FILIP1: variants seen among roughly 807,000 people sequenced by gnomAD.
FILIP1 encodes filamin A interacting protein 1.
FILIP1 carries 61 observed loss-of-function variants against 102.1 expected under a neutral mutation model. That is an observed-to-expected ratio of 0.60 (90% CI 0.49 to 0.74). FILIP1 has a LOEUF of 0.74. FILIP1 is among the 30% of genes least tolerant of loss of function. The probability of loss-of-function intolerance (pLI) is 0.00; values close to 1 mark genes in which losing one functional copy is unlikely to be tolerated. For synonymous variants in FILIP1, 491 were observed against 526.9 expected (o/e 0.93, Z 0.93); for missense variants, 1,314 against 1,441.2 (o/e 0.91, Z 1.43).
chr6:75,473,441 T>C (rs996188247), intron 1 of FILIP1, among the ~76,000 whole-genome samples: 1 of 152,116 alleles, frequency 6.6e-6, no homozygotes. Context: ...GTTGTAGTTA[T>C]ACAGATGAAT....
At chr6:75,416,720 T>C (rs1777283633) in intron 1 of FILIP1, among the ~76,000 whole-genome samples, 1 of 152,150 alleles carries the variant, frequency 6.6e-6, no homozygotes, top group South Asian at 2.1e-4. Flanking sequence ...ACATGTGAAT[T>C]CTTTTTATCT....
chr6:75,327,389 T>A (rs530552041), intron 4 of FILIP1, among the ~76,000 whole-genome samples: 1 of 152,186 alleles, frequency 6.6e-6, no homozygotes, highest in East Asian at 1.9e-4. Context: ...CCACCCACAG[T>A]CTGTTCTCTT....
At chr6:75,439,224 C>T (rs746129336) in intron 1 of FILIP1, among the ~76,000 whole-genome samples, 2 of 151,998 alleles carry the variant, frequency 1.3e-5, no homozygotes, top group Admixed American at 6.6e-5. Context: ...AAATTAGCCA[C>T]GTGTGGTGGC....
intron 1 of FILIP1, among the ~76,000 whole-genome samples, chr6:75,435,909 G>A (rs1778003917): frequency 6.6e-6 from 1 of 152,144 alleles, no homozygotes; most frequent in Non-Finnish European, 1.5e-5. Flanking sequence ...TTACTCAGAA[G>A]AGTGAAGGAG....
At chr6:75,395,149 T>G (rs577735537) in intron 2 of FILIP1, among the ~76,000 whole-genome samples, 1 of 152,270 alleles carries the variant, frequency 6.6e-6, no homozygotes, top group East Asian at 1.9e-4. Flanking sequence ...AATATATATA[T>G]AATATGCTCT....
At chr6:75,390,004 A>G (rs542747871) in intron 2 of FILIP1, among the ~76,000 whole-genome samples, 5 of 152,232 alleles carry the variant, frequency 3.3e-5, no homozygotes, top group African/African-American at 9.6e-5. Context: ...CTTAAAACAA[A>G]CAAACAAACA....
At chr6:75,352,786 C>T (rs1223748139) in intron 4 of FILIP1, among the ~76,000 whole-genome samples, 1 of 151,802 alleles carries the variant, frequency 6.6e-6, no homozygotes, top group Non-Finnish European at 1.5e-5. Flanking sequence ...AACTAGATTA[C>T]TTCAAATAGA....
At chr6:75,431,772 C>A (rs1396443177) in intron 1 of FILIP1, among the ~76,000 whole-genome samples, 1 of 152,104 alleles carries the variant, frequency 6.6e-6, no homozygotes, top group Non-Finnish European at 1.5e-5. Flanking sequence ...CCTAAACACC[C>A]CTCTGTCCTT....
At chr6:75,430,102 T>A (rs1311324638) in intron 1 of FILIP1, among the ~76,000 whole-genome samples, 4 of 152,166 alleles carry the variant, frequency 2.6e-5, no homozygotes, top group Non-Finnish European at 5.9e-5. Flanking sequence ...CATGCTGTTC[T>A]CATGTTAGTG....
At chr6:75,373,613 A>T (rs772897433) in intron 2 of FILIP1, among the ~76,000 whole-genome samples, 3 of 151,158 alleles carry the variant, frequency 2.0e-5, no homozygotes, top group Non-Finnish European at 2.9e-5. Context: ...CCAACAATTT[A>T]AAAAAATTTA....
intron 6 of FILIP1, among the ~76,000 whole-genome samples, chr6:75,301,222 TCA>T (rs1490149134): frequency 1.3e-5 from 2 of 152,236 alleles, no homozygotes; most frequent in Non-Finnish European, 2.9e-5. Flanking sequence ...AAGAACTTTT[TCA>T]CAGTTTCTAT....
At chr6:75,328,231 T>G (rs1372406343) in intron 4 of FILIP1, among the ~76,000 whole-genome samples, 5 of 152,148 alleles carry the variant, frequency 3.3e-5, no homozygotes, top group African/African-American at 1.2e-4. Context: ...AATTATTAAG[T>G]TTTAGGTTAG....
chr6:75,320,617 TA>T (rs1392483972), intron 4 of FILIP1, among the ~76,000 whole-genome samples: 5 of 152,230 alleles, frequency 3.3e-5, no homozygotes, highest in African/African-American at 1.2e-4. Context: ...ATCTGGAAAT[TA>T]CCTAAATAGA....
intron 2 of FILIP1, chr6:75,399,154 A>G (rs1000184096): frequency 6.6e-6 from 1 of 152,172 alleles, no homozygotes; most frequent in African/African-American, 2.4e-5. Context: ...ATTGATTTCT[A>G]TTGTTCAGGT....
intron 1 of FILIP1, among the ~76,000 whole-genome samples, chr6:75,423,856 G>A (rs1777551313): frequency 6.6e-6 from 1 of 152,128 alleles, no homozygotes; most frequent in Non-Finnish European, 1.5e-5. Context: ...ATCGAATCCT[G>A]AAGCATGGAT....
intron 1 of FILIP1, among the ~76,000 whole-genome samples, chr6:75,417,202 T>G (rs1562570797): frequency 6.6e-6 from 1 of 152,168 alleles, no homozygotes; most frequent in Admixed American, 6.6e-5. Flanking sequence ...TAATTTTGTC[T>G]TAACAAATAT....
intron 4 of FILIP1, among the ~76,000 whole-genome samples, chr6:75,316,414 T>A (rs1302939441): frequency 6.6e-6 from 1 of 152,182 alleles, no homozygotes; most frequent in Non-Finnish European, 1.5e-5. Context: ...ATTAATTTCA[T>A]ATTTATGACT....
intron 1 of FILIP1, among the ~76,000 whole-genome samples, chr6:75,462,339 T>C: frequency 6.6e-6 from 1 of 152,096 alleles, no homozygotes; most frequent in East Asian, 1.9e-4. Flanking sequence ...GCTTGACCCC[T>C]TTGTCTTCTG....
chr6:75,312,887 G>A lies in FILIP1; in HGVS notation c.2945C>T (p.Thr982Ile). The A allele has an allele frequency of 6.2e-7, 1 of 1,614,188 alleles. No homozygotes were observed. The highest frequency in any genetic ancestry group is 1.6e-4 in the Middle Eastern group (1 of 6,062). Residue 982 changes from threonine to isoleucine, a missense_variant, in exon 5 of 6, where the codon ACA (threonine) becomes ATA (isoleucine). Physicochemically the swap from Thr to Ile is moderately conservative, Grantham distance 89. Transcript: ENST00000237172. ...LGPERAMSPV[T>I]ITTFSREKTP... ...CTTCTCTCTGGAAAATGTAGTAATTGTGACTGGGGACATGGCTCGTTCTGG... is the reference window on the plus strand; with the variant it reads ...CTTCTCTCTGGAAAATGTAGTAATTATGACTGGGGACATGGCTCGTTCTGG...
Sources: allele counts gnomAD v4.1 joint callset (sites outside exome capture counted in the v4.1 genomes callset), GRCh38; gene constraint gnomAD v4.1.1; transcripts MANE v1.5; gene names NCBI Gene and HGNC (gene_info 2026-07-23, HGNC 2026-07-21).